PTPRN2: variants seen among roughly 807,000 people sequenced by gnomAD.
The protein encoded by PTPRN2 is protein tyrosine phosphatase receptor type N2, also known as receptor-type tyrosine-protein phosphatase N2.
PTPRN2 carries 74 observed loss-of-function variants against 118.8 expected under a neutral mutation model. That is an observed-to-expected ratio of 0.62 (90% CI 0.52 to 0.76). The LOEUF (loss-of-function observed/expected upper bound fraction) is 0.76, where lower values mean the gene tolerates loss of function less well. PTPRN2 is among the 30% of genes least tolerant of loss of function. The probability of loss-of-function intolerance (pLI) is 0.00; values close to 1 mark genes in which losing one functional copy is unlikely to be tolerated. For missense variants in PTPRN2, 1,481 were observed against 1,394.4 expected (o/e 1.06, Z -0.99); for synonymous variants, 641 against 608.0 (o/e 1.05, Z -0.80).
chr7:157,726,095 CACCTCCCA>C lies in PTPRN2; in HGVS notation c.1789-43166_1789-43159del, dbSNP rs1799580569. ...ACGCAGAGGAGTGTGGCCAGACCCT[CACCTCCCA>C]GGAAAACTGGATATCCACATGCAGA... On this transcript the variant is annotated intron_variant, in intron 12 of 22. Transcript: ENST00000389418. 1.6e-4 allele frequency among the ~76,000 whole-genome samples: 14 copies of C among 89,304 alleles called. 5 individuals are homozygous for C. Among genetic ancestry groups the C allele is most frequent in the Non-Finnish European group, 2.5e-4 (11 of 43,536 alleles). The allele number at this position is 89,304 out of a possible 152,430, so 58.6% of individuals were successfully genotyped here.
rs189312944 is a variant in PTPRN2, at chr7:157,893,342, G to A, written c.1788+5331C>T. On this transcript the variant is annotated intron_variant, in intron 12 of 22. Coordinates refer to ENST00000389418, the MANE Select transcript of PTPRN2 (RefSeq NM_002847.5). This position sits in a 1 kb window ranked among gnomAD's most constrained non-coding sequence, Gnocchi z 4.0. The stretch of plus-strand genomic sequence containing the variant: ...GGAAGCAGAGGTGTGGTGCTGTGCA[G>A]GTGAGCTCCTGCCTCTGCCCTCAGC... Among the ~76,000 whole-genome samples the A allele has an allele frequency of 6.6e-5, 10 of 152,330 alleles. No individual in the cohort carries two copies. The highest frequency in any genetic ancestry group is 2.2e-4 in the African/African-American group (9 of 41,584).
intron 1 of PTPRN2, among the ~76,000 whole-genome samples, chr7:158,554,833 C>A (rs1171124716): frequency 6.6e-6 from 1 of 152,158 alleles, no homozygotes; most frequent in Non-Finnish European, 1.5e-5. Flanking sequence ...GAATGCCGCA[C>A]ATAGCCATCT....
At chr7:158,358,308 C>A (rs1424217193) in intron 2 of PTPRN2, among the ~76,000 whole-genome samples, 1 of 152,178 alleles carries the variant, frequency 6.6e-6, no homozygotes, top group Non-Finnish European at 1.5e-5. Context: ...TCAGCTTCAC[C>A]TTTTTCAGGA....
rs761721591 is a variant in PTPRN2 at position 158,022,410 on chromosome 7, G to C, written c.1723+58888C>G. 6.6e-6 allele frequency among the ~76,000 whole-genome samples: 1 copy of C among 152,212 alleles called. No homozygotes were observed. Among genetic ancestry groups the C allele is most frequent in the Non-Finnish European group, 1.5e-5 (1 of 68,042 alleles). On this transcript the variant is annotated intron_variant, in intron 11 of 22. Coordinates refer to ENST00000389418, the MANE Select transcript of PTPRN2 (RefSeq NM_002847.5). The surrounding 1 kb of genome is among the most constrained non-coding windows in gnomAD (Gnocchi z 4.6). ...TGATTTCCCACGGTGATTACTGAGG[G>C]AAGACCAGCGCAGCCCATGATGTGT...
At chr7:158,392,931 C>T (rs1362577915) in intron 2 of PTPRN2, among the ~76,000 whole-genome samples, 2 of 152,196 alleles carry the variant, frequency 1.3e-5, no homozygotes, top group South Asian at 2.1e-4. Flanking sequence ...GAGAACTCCT[C>T]GAGCACGCCT....
intron 2 of PTPRN2, among the ~76,000 whole-genome samples, chr7:158,342,160 C>A (rs556289181): frequency 6.7e-6 from 1 of 148,534 alleles, no homozygotes; most frequent in African/African-American, 2.5e-5. Context: ...CACTCACACC[C>A]ACACTCTCAC....
At chr7:157,917,818 A>G (rs1159479454) in intron 11 of PTPRN2, among the ~76,000 whole-genome samples, 1 of 152,184 alleles carries the variant, frequency 6.6e-6, no homozygotes, top group African/African-American at 2.4e-5. Context: ...AAAAATGGAA[A>G]TTGTCTCCTT....
rs1349485453 is a variant in PTPRN2, at chr7:157,629,988, T to C, written c.2197-8479A>G. Among the ~76,000 whole-genome samples, 2 of 152,222 alleles carry C rather than the reference T, an allele frequency of 1.3e-5. No individual in the cohort carries two copies. The highest frequency in any genetic ancestry group is 2.9e-5 in the Non-Finnish European group (2 of 68,020). On this transcript the variant is annotated intron_variant, in intron 14 of 22. Transcript: ENST00000389418. The surrounding 1 kb of genome is among the most constrained non-coding windows in gnomAD (Gnocchi z 4.4). ...GGGGAAATGATGACCTTTTCTTTCT[T>C]TAAAAATAAACACAGTCACCTGTCT...
chr7:158,124,555 G>A (rs372821874), intron 9 of PTPRN2, among the ~76,000 whole-genome samples: 1 of 152,258 alleles, frequency 6.6e-6, no homozygotes, highest in Non-Finnish European at 1.5e-5. Context: ...TTGGCCAGAT[G>A]CTCAGAGTCT....
intron 3 of PTPRN2, among the ~76,000 whole-genome samples, chr7:158,305,415 G>A (rs1182904609): frequency 6.6e-6 from 1 of 152,128 alleles, no homozygotes; most frequent in East Asian, 1.9e-4. Flanking sequence ...AGTGGTGGAG[G>A]GAGGTGGAGA....
chr7:158,446,854 A>C (rs1179997505), intron 2 of PTPRN2, among the ~76,000 whole-genome samples: 1 of 152,208 alleles, frequency 6.6e-6, no homozygotes, highest in South Asian at 2.1e-4. Flanking sequence ...TCCGGAACCC[A>C]CCTCAAATCT....
intron 12 of PTPRN2, among the ~76,000 whole-genome samples, chr7:157,761,897 T>A (rs1476028814): frequency 6.6e-6 from 1 of 151,864 alleles, no homozygotes; most frequent in Non-Finnish European, 1.5e-5. Flanking sequence ...CTCAAACAAA[T>A]TTACAAGAAA....
intron 9 of PTPRN2, among the ~76,000 whole-genome samples, chr7:158,131,914 C>A (rs1005648306): frequency 6.7e-6 from 1 of 149,666 alleles, no homozygotes; most frequent in Non-Finnish European, 1.5e-5. Flanking sequence ...ATACACAAAC[C>A]AATACACATC....
chr7:158,387,390 G>A (rs899305870), intron 2 of PTPRN2, among the ~76,000 whole-genome samples: 9 of 152,364 alleles, frequency 5.9e-5, no homozygotes, highest in African/African-American at 1.7e-4. Flanking sequence ...CACTGCCTTC[G>A]CTGGGGTCTC....
At chr7:157,698,426 C>T (rs1161850982) in intron 12 of PTPRN2, among the ~76,000 whole-genome samples, 2 of 152,234 alleles carry the variant, frequency 1.3e-5, no homozygotes, top group Non-Finnish European at 2.9e-5. Flanking sequence ...TGATATCCCA[C>T]CAATGGCTTG....
rs1003317322 is a variant in PTPRN2, at chr7:158,546,579, C to T, written c.112+40979G>A. ...CCAGGAAGCACCCTGGGAAGCCCAT[C>T]GCCTGTTGCCCTCCCAGGCCACACC... On this transcript the variant is annotated intron_variant, in intron 1 of 22. Coordinates refer to ENST00000389418, the MANE Select transcript of PTPRN2 (RefSeq NM_002847.5). This position sits in a 1 kb window ranked among gnomAD's most constrained non-coding sequence, Gnocchi z 5.0. Among the ~76,000 whole-genome samples the T allele has an allele frequency of 7.2e-5, 11 of 152,190 alleles. No individual in the cohort carries two copies. Among genetic ancestry groups the T allele is most frequent in the Admixed American group, 4.6e-4 (7 of 15,288 alleles).
chr7:158,550,734 T>C (rs945374998), intron 1 of PTPRN2, among the ~76,000 whole-genome samples: 11 of 152,236 alleles, frequency 7.2e-5, no homozygotes, highest in Non-Finnish European at 1.5e-4. Flanking sequence ...ATTTCTCTCA[T>C]AGGCGTCGTT....
At chr7:158,423,293 G>A (rs1008187197) in intron 2 of PTPRN2, among the ~76,000 whole-genome samples, 7 of 152,230 alleles carry the variant, frequency 4.6e-5, no homozygotes, top group African/African-American at 1.7e-4. Context: ...GGCAGTGAAG[G>A]AAGTGGATTT....
intron 1 of PTPRN2, among the ~76,000 whole-genome samples, chr7:158,498,346 C>G (rs1324365466): frequency 1.3e-5 from 2 of 152,210 alleles, no homozygotes; most frequent in African/African-American, 2.4e-5. Context: ...CCTAATTGCA[C>G]AGATTTATTT....
Sources: gnomAD v4.1 joint callset for allele counts (sites outside exome capture counted in the v4.1 genomes callset) on GRCh38, gnomAD v4.1.1 for gene constraint, Gnocchi (gnomAD v3.1) non-coding constraint, MANE v1.5 for transcripts, NCBI Gene and HGNC (gene_info 2026-07-23, HGNC 2026-07-21) for gene names.